Variants in ABCA2 observed in about 807,000 individuals in gnomAD.
ABCA2 encodes the protein ATP-binding cassette sub-family A member 2.
Under a neutral mutation model 262.8 loss-of-function variants are expected in ABCA2, and 84 were observed. That is an observed-to-expected ratio of 0.32 (90% CI 0.27 to 0.38). ABCA2 has a LOEUF of 0.38. Ranked by LOEUF, ABCA2 falls within the 10% of genes least tolerant of loss-of-function variation. The pLI is 1.00. For synonymous variants in ABCA2, 1,696 were observed against 1,502.9 expected, an observed-to-expected ratio of 1.13 and a Z score of -2.97; for missense variants, 2,662 against 3,405.9, an observed-to-expected ratio of 0.78 and a Z score of 5.44.
rs374388910 is a variant in ABCA2, at chr9:137,015,594, G to A, written c.3517C>T (p.Arg1173Cys). Residue 1173 changes from arginine to cysteine, a missense_variant and splice_region_variant, in exon 24 of 49, where the codon CGC (arginine) becomes TGC (cysteine). By Grantham distance (180) the Arg-to-Cys change is radical (BLOSUM62 -3). This residue lies in a region of ABCA2 where 180 missense variants were observed against 307.3 expected (regional missense o/e 0.59). Coordinates refer to ENST00000341511, the MANE Select transcript of ABCA2 (RefSeq NM_001606.5). ...TGGTGGGTGGACAGAAGGATGGTGC[G>A]GCCTAGGACAAGGCCAGACCCAGGG... ...WDLILKYKPG[R>C]TILLSTHHMD... The A allele has an allele frequency of 1.2e-5, 19 of 1,612,158 alleles. No individual in the cohort carries two copies. Among genetic ancestry groups the A allele is most frequent in the Middle Eastern group, 1.6e-4 (1 of 6,080 alleles).
At position 137,014,214 on chromosome 9, in the gene ABCA2, G is replaced by A. The variant is rs1831172547; in HGVS notation, c.4194C>T (p.Arg1398=). Residue 1398 remains arginine, a synonymous_variant, in exon 27 of 49, where the codon CGC becomes CGT. Transcript: ENST00000341511. The stretch of plus-strand genomic sequence containing the variant: ...GGTCCTGTGGGTTATCAAAGAGGGG[G>A]CGGTAGTCGCCATAGACGTCGGTGT... The part of the protein sequence containing the change: ...AGYTDVYGDY[R]PLFDNPQDPD... 9.3e-6 allele frequency: 15 copies of A among 1,609,728 alleles called. No individual in the cohort carries two copies. Among genetic ancestry groups the A allele is most frequent in the South Asian group, 1.1e-5 (1 of 90,478 alleles).
Position 137,021,895 on chromosome 9 carries a change from A to T in ABCA2, c.674T>A (p.Met225Lys), listed in dbSNP as rs539631288. 25 of 1,592,976 alleles carry T rather than the reference A, an allele frequency of 1.6e-5. No homozygotes were observed. In the East Asian group the frequency reaches 4.3e-4, roughly 27 times the overall value. The change falls in exon 7 of 49, where the codon ATG becomes AAG. Residue 225 changes from methionine to lysine, a missense_variant. By Grantham distance (95) the Met-to-Lys change is moderately conservative (BLOSUM62 -1). Transcript: ENST00000341511. The surrounding 1 kb of genome is among the most constrained non-coding windows in gnomAD (Gnocchi z 6.0). ...SRLGGNPLFR[M>K]EELLLAPALL... ...CCCACACATGGATGCCCTCACCTCCATCCGGAACAGGGGATTGCCCCCTAG... is the reference window on the plus strand; with the variant it reads ...CCCACACATGGATGCCCTCACCTCCTTCCGGAACAGGGGATTGCCCCCTAG...
intron 10 of ABCA2, chr9:137,020,057 C>A (rs1034749097): frequency 7.1e-5 from 34 of 476,614 alleles, no homozygotes; most frequent in Non-Finnish European, 1.1e-4. Flanking sequence ...TCTCTGGACA[C>A]ACCCCTCCTC....
chr9:137,014,337 A>C lies in ABCA2; in HGVS notation c.4071T>G (p.Ala1357=). The change falls in exon 27 of 49, where the codon GCT becomes GCG. Residue 1357 remains alanine (A), a synonymous_variant. Transcript: ENST00000341511. ...GCTCCGAGCACCGGGCCAGATTGCCAGCGTGACCCTCCCCAGACGCCGGGC... is the reference window on the plus strand; with the variant it reads ...GCTCCGAGCACCGGGCCAGATTGCCCGCGTGACCCTCCCCAGACGCCGGGC... ...AEGPASGEGH[A]GNLARCSELT... is the part of the protein sequence containing the mutation. The C allele has an allele frequency of 6.2e-7, 1 of 1,607,758 alleles. No homozygotes were observed. The highest frequency in any genetic ancestry group is 8.5e-7 in the Non-Finnish European group (1 of 1,177,768).
upstream of ABCA2, chr9:137,028,610 C>G (rs1424115201): frequency 7.5e-6 from 8 of 1,059,902 alleles, no homozygotes; most frequent in African/African-American, 1.8e-5. This position sits in a 1 kb window ranked among gnomAD's most constrained non-coding sequence, Gnocchi z 6.9. Flanking sequence ...CAAGCCTTCA[C>G]TGTCCCCGGG....
At chr9:137,013,788 T>TG (rs767311684) in intron 28 of ABCA2, 44 bp downstream of exon 28, 1 of 1,558,646 alleles carries the variant, frequency 6.4e-7, no homozygotes. Context: ...CAGCGGGCGG[T>TG]GGGGGGAGGC....
At position 137,023,153 on chromosome 9, in the gene ABCA2, A is replaced by G. The variant is rs183892795; in HGVS notation, c.164-101T>C. 1.7e-5 allele frequency: 16 copies of G among 939,240 alleles called. No homozygotes were observed. The African/African-American group carries it at 2.0e-4, about 11-fold the overall frequency. The allele number at this position is 939,240 out of a possible 1,614,324, so 58.2% of individuals were successfully genotyped here. On this transcript the variant is annotated intron_variant, in intron 3 of 48. Coordinates refer to ENST00000341511, the MANE Select transcript of ABCA2 (RefSeq NM_001606.5). ...AGACAGAGGCCGAGAGGAGAAATTT[A>G]GAGAAAGTCAGGAAGGAGAAGCAGC...
At position 137,013,554 on chromosome 9, in the gene ABCA2, G is replaced by A; in HGVS notation, c.4457C>T (p.Pro1486Leu). The change falls in exon 29 of 49, where the codon CCC becomes CTC. Residue 1486 changes from proline to leucine, a missense_variant. By Grantham distance (98) the Pro-to-Leu change is moderately conservative (BLOSUM62 -3). Around this residue, in one of 12 missense-constraint regions of ABCA2, gnomAD observed 75 missense variants for 118.3 expected, o/e 0.63. Coordinates refer to ENST00000341511, the MANE Select transcript of ABCA2 (RefSeq NM_001606.5). ...ALSVPEIGDL[P>L]PLVLSPSQYH... ...CTGGGAAGGTGACAGGACCAGCGGG[G>A]GCAGATCACCTGGCAGGGCGAGCAG... The A allele has an allele frequency of 1.2e-6, 2 of 1,608,660 alleles. No individual in the cohort carries two copies. Among genetic ancestry groups the A allele is most frequent in the Non-Finnish European group, 1.7e-6 (2 of 1,179,002 alleles).
chr9:137,024,225 G>A lies in ABCA2; in HGVS notation c.78C>T (p.Ala26=). The A allele has an allele frequency of 6.2e-7, 1 of 1,610,808 alleles. No homozygotes were observed. Among genetic ancestry groups the A allele is most frequent in the South Asian group, 1.1e-5 (1 of 90,692 alleles). The change falls in exon 2 of 49, where the codon GCC becomes GCT. Residue 26 remains alanine (A), a synonymous_variant. Coordinates refer to ENST00000341511, the MANE Select transcript of ABCA2 (RefSeq NM_001606.5). ...TLKRRSPWVL[A]FEIFIPLVLF... ...GCACCAGGGGGATGAAGATCTCGAA[G>A]GCCAGGACCCACTGGAAAGGGTGGG...
In ABCA2 at chr9:137,015,114, A is replaced by G; in HGVS notation, c.3698-17T>C. On this transcript the variant is annotated splice_polypyrimidine_tract_variant and intron_variant, in intron 24 of 48. Transcript: ENST00000341511. ...GCCCTGGCTCTGTGGGGGACGTGGGAGCAGGAAGGAATTCACTCAGGGGCT... is the reference window on the plus strand; with the variant it reads ...GCCCTGGCTCTGTGGGGGACGTGGGGGCAGGAAGGAATTCACTCAGGGGCT... 1 of 1,559,688 alleles carries G rather than the reference A, an allele frequency of 6.4e-7. No homozygotes were observed. The highest frequency in any genetic ancestry group is 1.2e-5 in the South Asian group (1 of 82,966).
At position 137,011,330 on chromosome 9, in the gene ABCA2, G is replaced by A; in HGVS notation, c.5800-21C>T. The A allele has an allele frequency of 6.2e-7, 1 of 1,605,706 alleles. No homozygotes were observed. Among genetic ancestry groups the A allele is most frequent in the Non-Finnish European group, 8.5e-7 (1 of 1,175,026 alleles). On this transcript the variant is annotated intron_variant, in intron 37 of 48. Transcript: ENST00000341511. This position sits in a 1 kb window ranked among gnomAD's most constrained non-coding sequence, Gnocchi z 8.8. Reference sequence around the variant, plus strand: ...AGGTCCTGCGGGGTGGCCGGGGTCAGGGGCACAGGGGTGGCCGGGGTGAGG... The same window carrying A: ...AGGTCCTGCGGGGTGGCCGGGGTCAAGGGCACAGGGGTGGCCGGGGTGAGG...
chr9:137,007,999 C>T, intron 48 of ABCA2, 35 bp from the exon 49 acceptor site: 1 of 1,592,030 alleles, frequency 6.3e-7, no homozygotes, highest in Admixed American at 1.7e-5. Flanking sequence ...ATGGGGCATC[C>T]TGTGCCACCC....
rs368060818 is a variant in ABCA2, at chr9:137,012,393, A to C, written c.5188-17T>G. On this transcript the variant is annotated splice_polypyrimidine_tract_variant and intron_variant, in intron 32 of 48. Transcript: ENST00000341511. ...GTAGAAAACCTGCAGAAGGAAGAGGACACAGAAAGGCCCCAGGACCTCAGA... is the reference window on the plus strand; with the variant it reads ...GTAGAAAACCTGCAGAAGGAAGAGGCCACAGAAAGGCCCCAGGACCTCAGA... The C allele has an allele frequency of 1.9e-6, 3 of 1,610,352 alleles. No individual in the cohort carries two copies. The highest frequency in any genetic ancestry group is 2.5e-6 in the Non-Finnish European group (3 of 1,178,296).
chr9:137,027,825 G>C (rs992723978), intron 1 of ABCA2: 2 of 152,610 alleles, frequency 1.3e-5, no homozygotes, highest in Admixed American at 1.3e-4. Context: ...CGGGTGCCGT[G>C]ACTCAGCCGA....
At chr9:137,024,270 G>T in intron 1 of ABCA2, 34 bp from the exon 2 acceptor site, 1 of 1,558,938 alleles carries the variant, frequency 6.4e-7, no homozygotes, top group South Asian at 1.2e-5. Flanking sequence ...GGATAGGACA[G>T]ACCTGTGCTC....
Position 137,012,846 on chromosome 9 carries a change from G to A in ABCA2, c.4947C>T (p.Gly1649=). 6.2e-7 allele frequency: 1 copy of A among 1,609,584 alleles called. No homozygotes were observed. The highest frequency in any genetic ancestry group is 8.5e-7 in the Non-Finnish European group (1 of 1,178,438). Residue 1649 remains glycine, a synonymous_variant, in exon 31 of 49, where the codon GGC becomes GGT. Coordinates refer to ENST00000341511, the MANE Select transcript of ABCA2 (RefSeq NM_001606.5). The part of the protein sequence containing the change: ...VRCTCSAQGT[G]FSCPSSVGGH... ...CGCCCACACTGCTGGGGCAGGAGAA[G>A]CCGGTGCCCTGCGCAGAGCAGGTGC...
Position 137,019,281 on chromosome 9 carries a change from C to T in ABCA2, c.1451G>A (p.Gly484Asp), listed in dbSNP as rs765681867. The T allele has an allele frequency of 1.9e-6, 3 of 1,612,468 alleles. No homozygotes were observed. The African/African-American group carries it at 4.0e-5, about 22-fold the overall frequency. The change falls in exon 11 of 49, where the codon GGC (glycine) becomes GAC (aspartate). Residue 484 changes from glycine to aspartate, a missense_variant. By Grantham distance (94) the Gly-to-Asp change is moderately conservative. Coordinates refer to ENST00000341511, the MANE Select transcript of ABCA2 (RefSeq NM_001606.5). The surrounding 1 kb of genome is among the most constrained non-coding windows in gnomAD (Gnocchi z 4.4). ...LKANETFAFV[G>D]NVTHYAQVWL... ...GACCTGGGCATAGTGAGTCACGTTGCCCACAAAAGCAAAAGTCTCGTTGGC... is the reference window on the plus strand; with the variant it reads ...GACCTGGGCATAGTGAGTCACGTTGTCCACAAAAGCAAAAGTCTCGTTGGC...
chr9:137,009,798 G>T lies in ABCA2; in HGVS notation c.6601C>A (p.Leu2201Ile), dbSNP rs963950784. Residue 2201 changes from leucine (L) to isoleucine (I), a missense_variant, in exon 43 of 49, where the codon CTC becomes ATC. By Grantham distance (5) the Leu-to-Ile change is conservative. Around this residue, in one of 12 missense-constraint regions of ABCA2, gnomAD observed 602 missense variants for 897.4 expected, o/e 0.67. Coordinates refer to ENST00000341511, the MANE Select transcript of ABCA2 (RefSeq NM_001606.5). Reference sequence around the variant, plus strand: ...AAGATGAAGGCTGGGTACCCAATGAGGGCGATGGCCGTGGAGAGCTTCCGC... The same window carrying T: ...AAGATGAAGGCTGGGTACCCAATGATGGCGATGGCCGTGGAGAGCTTCCGC... ...NKRKLSTAIA[L>I]IGYPAFIFLD... 6.2e-7 allele frequency: 1 copy of T among 1,612,184 alleles called. No individual in the cohort carries two copies. Among genetic ancestry groups the T allele is most frequent in the African/African-American group, 1.3e-5 (1 of 74,910 alleles).
intron 21 of ABCA2, 49 bp from the exon 22 acceptor site, chr9:137,016,223 A>G: frequency 6.2e-7 from 1 of 1,610,970 alleles, no homozygotes; most frequent in Non-Finnish European, 8.5e-7. Context: ...CAGGGGCCCC[A>G]CCCTGCCCTG....
Sources: gnomAD v4.1 joint callset for allele counts on GRCh38, gnomAD v4.1.1 for gene constraint, gnomAD v4.1.1 regional missense constraint, Gnocchi (gnomAD v3.1) non-coding constraint, MANE v1.5 for transcripts, NCBI Gene and HGNC (gene_info 2026-07-23, HGNC 2026-07-21) for gene names.